TFG: variants seen among roughly 807,000 people sequenced by gnomAD.
TFG encodes the protein trafficking from ER to golgi regulator.
TFG carries 22 observed loss-of-function variants against 51.4 expected under a neutral mutation model. That is an observed-to-expected ratio of 0.43 (90% CI 0.31 to 0.61). TFG has a LOEUF of 0.61. Among genes scored for constraint, TFG ranks in the 20% least tolerant of loss-of-function variants. The pLI, the probability that TFG is intolerant of heterozygous loss-of-function variation, is 0.12. For missense variants in TFG, 419 were observed against 487.7 expected, an observed-to-expected ratio of 0.86 and a Z score of 1.33; for synonymous variants, 187 against 165.6, an observed-to-expected ratio of 1.13 and a Z score of -0.99.
chr3:100,733,088 G>C (rs1179614867), intron 5 of TFG, among the ~76,000 whole-genome samples: 1 of 152,126 alleles, frequency 6.6e-6, no homozygotes, highest in Non-Finnish European at 1.5e-5. Context: ...AGATTTTCTT[G>C]TTAAATTGCT....
At chr3:100,739,877 G>T (rs2095116617) in intron 6 of TFG, among the ~76,000 whole-genome samples, 1 of 151,766 alleles carries the variant, frequency 6.6e-6, no homozygotes, top group African/African-American at 2.4e-5. Context: ...ATTTTTAATT[G>T]TGACAGGGTG....
At chr3:100,721,937 G>A (rs2095061931) in intron 3 of TFG, among the ~76,000 whole-genome samples, 1 of 152,338 alleles carries the variant, frequency 6.6e-6, no homozygotes, top group East Asian at 1.9e-4. Context: ...GATTGCCTGA[G>A]TGCAGGAGTT....
At chr3:100,726,292 C>T (rs1342204176) in intron 3 of TFG, among the ~76,000 whole-genome samples, 2 of 152,188 alleles carry the variant, frequency 1.3e-5, no homozygotes, top group Non-Finnish European at 2.9e-5. Flanking sequence ...CTTATCCTAC[C>T]TTCTTCTGCC....
At chr3:100,709,350 A>C (rs879818794), upstream of TFG, 3 of 152,394 alleles carry the variant, frequency 2.0e-5, no homozygotes, top group African/African-American at 2.4e-5. Context: ...CCCGTCATCC[A>C]GTGAGAAAGC....
At chr3:100,731,020 A>T (rs2095090108) in intron 4 of TFG, among the ~76,000 whole-genome samples, 1 of 152,168 alleles carries the variant, frequency 6.6e-6, no homozygotes, top group Non-Finnish European at 1.5e-5. Flanking sequence ...ACATTTAGAA[A>T]ATATTAGGGT....
chr3:100,748,340 AATT>A lies in TFG; in HGVS notation c.1015_1017del (p.Tyr339del). ...CACTGCCCAAACTTCTCAGCCTACT[AATT>A]ATACTGTGGCTCCTGCCTCTCAACC... On this transcript the variant is annotated inframe_deletion, in exon 8 of 8. Coordinates refer to ENST00000240851, the MANE Select transcript of TFG (RefSeq NM_006070.6). 6.2e-7 allele frequency: 1 copy of A among 1,614,010 alleles called. No homozygotes were observed. The highest frequency in any genetic ancestry group is 8.5e-7 in the Non-Finnish European group (1 of 1,179,986).
intron 1 of TFG, among the ~76,000 whole-genome samples, chr3:100,711,927 G>A (rs1292354269): frequency 1.3e-5 from 2 of 152,212 alleles, no homozygotes; most frequent in African/African-American, 4.8e-5. Flanking sequence ...AGAAGGCGAA[G>A]AGTTGGTTGT....
At chr3:100,712,542 T>C (rs966054762) in intron 1 of TFG, among the ~76,000 whole-genome samples, 7 of 152,174 alleles carry the variant, frequency 4.6e-5, no homozygotes, top group Non-Finnish European at 1.0e-4. Context: ...GTTCAGCGAT[T>C]ATAGATAACA....
chr3:100,712,306 G>A (rs1392209116), intron 1 of TFG, among the ~76,000 whole-genome samples: 2 of 152,128 alleles, frequency 1.3e-5, no homozygotes, highest in Admixed American at 1.3e-4. Context: ...ATATGTTGGG[G>A]GAGTAGGTGA....
intron 6 of TFG, among the ~76,000 whole-genome samples, chr3:100,741,327 C>G (rs563927440): frequency 3.0e-4 from 46 of 152,110 alleles, no homozygotes; most frequent in African/African-American, 1.1e-3. Context: ...ATAGTGATAT[C>G]AATGATCCTG....
rs1164319239 is a variant in TFG at position 100,728,771 on chromosome 3, A to G, written c.328A>G (p.Ile110Val). ...SQVKYLRREL[I>V]ELRNKVNRLL... ...GGTGAAATATCTCCGTCGAGAACTG[A>G]TAGAACTTCGAAATAAAGTGAATCG... The change falls in exon 4 of 8, where the codon ATA becomes GTA. Residue 110 changes from isoleucine (I) to valine (V), a missense_variant. Physicochemically the swap from Ile to Val is conservative, Grantham distance 29 (BLOSUM62 3). Coordinates refer to ENST00000240851, the MANE Select transcript of TFG (RefSeq NM_006070.6). 1 of 1,613,524 alleles carries G rather than the reference A, an allele frequency of 6.2e-7. No individual in the cohort carries two copies.
intron 6 of TFG, among the ~76,000 whole-genome samples, chr3:100,739,925 T>TA (rs1384351974): frequency 6.6e-6 from 1 of 152,140 alleles, no homozygotes; most frequent in Non-Finnish European, 1.5e-5. Context: ...CTGGCTTGAT[T>TA]ACAGCTCACC....
chr3:100,720,429 A>C (rs186915793), intron 3 of TFG, among the ~76,000 whole-genome samples: 14 of 152,368 alleles, frequency 9.2e-5, no homozygotes, highest in African/African-American at 3.4e-4. Context: ...TGTAAGTCTG[A>C]TACTTGAAAC....
chr3:100,732,521 T>G lies in TFG; in HGVS notation c.429T>G (p.Gly143=). The change falls in exon 5 of 8, where the codon GGT becomes GGG. Residue 143 remains glycine, a synonymous_variant. Coordinates refer to ENST00000240851, the MANE Select transcript of TFG (RefSeq NM_006070.6). ...CTATTTTTACAGATACTGTGGATGG[T>G]AGGGAAGAAAAGTCTGCTTCTGATT... ...TNIPENDTVD[G]REEKSASDSS... 1 of 1,609,616 alleles carries G rather than the reference T, an allele frequency of 6.2e-7. No homozygotes were observed. The highest frequency in any genetic ancestry group is 8.5e-7 in the Non-Finnish European group (1 of 1,178,408).
intron 3 of TFG, among the ~76,000 whole-genome samples, chr3:100,727,370 G>GT (rs1287487572): frequency 6.6e-6 from 1 of 150,546 alleles, no homozygotes; most frequent in African/African-American, 2.4e-5. Flanking sequence ...GTGAATTACT[G>GT]TGAGTTTTCT....
At chr3:100,740,979 G>A (rs2095119700) in intron 6 of TFG, among the ~76,000 whole-genome samples, 1 of 152,116 alleles carries the variant, frequency 6.6e-6, no homozygotes, top group Admixed American at 6.6e-5. Context: ...TCATAATGTA[G>A]CACAAGGCAT....
At chr3:100,721,662 C>G (rs1041394105) in intron 3 of TFG, among the ~76,000 whole-genome samples, 1 of 152,176 alleles carries the variant, frequency 6.6e-6, no homozygotes, top group African/African-American at 2.4e-5. Context: ...AGGCCAAAAT[C>G]TCTCTTGAGG....
chr3:100,725,059 A>G (rs1467535805), intron 3 of TFG, among the ~76,000 whole-genome samples: 5 of 152,012 alleles, frequency 3.3e-5, no homozygotes, highest in Non-Finnish European at 7.4e-5. Context: ...ACCTGCCACC[A>G]CGCCCGGCTA....
chr3:100,739,853 C>G (rs2095116534), intron 6 of TFG, among the ~76,000 whole-genome samples: 2 of 152,046 alleles, frequency 1.3e-5, no homozygotes, highest in South Asian at 4.1e-4. Context: ...TGTTACTTAA[C>G]AGTGATTCTT....
Sources: gnomAD v4.1 joint callset for allele counts (sites outside exome capture counted in the v4.1 genomes callset) on GRCh38, gnomAD v4.1.1 for gene constraint, MANE v1.5 for transcripts, NCBI Gene and HGNC (gene_info 2026-07-23, HGNC 2026-07-21) for gene names.